SLC5A4: variants seen among roughly 807,000 people sequenced by gnomAD.
SLC5A4 encodes probable glucose sensor protein SLC5A4.
A neutral mutation model predicts 70.3 loss-of-function variants in SLC5A4; 55 were observed. That is an observed-to-expected ratio of 0.78 (90% CI 0.63 to 0.98). SLC5A4 has a LOEUF of 0.98. SLC5A4 is among the 50% of genes least tolerant of loss of function. The pLI is 0.00. For synonymous variants in SLC5A4, 268 were observed against 305.7 expected, an observed-to-expected ratio of 0.88 and a Z score of 1.29; for missense variants, 735 against 839.2, an observed-to-expected ratio of 0.88 and a Z score of 1.53.
chr22:32,268,645 T>C, the SLC5A4 span: 2 of 152,210 alleles, frequency 1.3e-5, no homozygotes, highest in Non-Finnish European at 2.9e-5. Context: ...ATTCAAAATG[T>C]TCTCCATTAA....
Position 32,235,049 on chromosome 22 carries a change from C to G in SLC5A4, c.709G>C (p.Val237Leu), listed in dbSNP as rs761620548. 2 of 1,613,856 alleles carry G rather than the reference C, an allele frequency of 1.2e-6. No individual in the cohort carries two copies. Among genetic ancestry groups the G allele is most frequent in the Non-Finnish European group, 1.7e-6 (2 of 1,179,994 alleles). The change falls in exon 8 of 15, where the codon GTG (valine) becomes CTG (leucine). Residue 237 changes from valine (V) to leucine (L), a missense_variant. By Grantham distance (32) the Val-to-Leu change is conservative. Transcript: ENST00000266086. Reference sequence around the variant, plus strand: ...TCGACTACGGATGGGGTGGCATTCACGTACTTCTCGGTAAAGCTCTCATAA... The same window carrying G: ...TCGACTACGGATGGGGTGGCATTCAGGTACTTCTCGGTAAAGCTCTCATAA... ...GGYESFTEKY[V>L]NATPSVVEGD...
intron 5 of SLC5A4, among the ~76,000 whole-genome samples, chr22:32,245,580 G>A (rs1261913100): frequency 6.6e-6 from 1 of 152,130 alleles, no homozygotes; most frequent in East Asian, 1.9e-4. Context: ...GAGTGCAGTC[G>A]CGCGATCTCG....
chr22:32,281,457 G>A, the SLC5A4 span, among the ~76,000 whole-genome samples: 1 of 152,202 alleles, frequency 6.6e-6, no homozygotes, highest in African/African-American at 2.4e-5. Flanking sequence ...TGTCTGTTTT[G>A]TGCACTGCCA....
the SLC5A4 span, among the ~76,000 whole-genome samples, chr22:32,308,776 G>T: frequency 6.6e-6 from 1 of 152,196 alleles, no homozygotes; most frequent in African/African-American, 2.4e-5. Context: ...GTATGTGTGT[G>T]AGGGCATGTG....
At chr22:32,294,014 C>T in the SLC5A4 span, among the ~76,000 whole-genome samples, 1 of 151,974 alleles carries the variant, frequency 6.6e-6, no homozygotes, top group Non-Finnish European at 1.5e-5. Flanking sequence ...TCCACCCCCA[C>T]CCCAGCCCTT....
chr22:32,341,169 C>A, the SLC5A4 span, among the ~76,000 whole-genome samples: 1 of 151,980 alleles, frequency 6.6e-6, no homozygotes, highest in Admixed American at 6.5e-5. Context: ...AGTCTGGATT[C>A]AAGGGAGAGA....
intron 5 of SLC5A4, among the ~76,000 whole-genome samples, chr22:32,241,823 G>A (rs1840392784): frequency 6.9e-6 from 1 of 144,720 alleles, no homozygotes; most frequent in African/African-American, 2.7e-5. Flanking sequence ...CTGTATGTGT[G>A]TGTGTATATA....
chr22:32,324,566 A>C, the SLC5A4 span, among the ~76,000 whole-genome samples: 1 of 151,962 alleles, frequency 6.6e-6, no homozygotes, highest in African/African-American at 2.4e-5. Context: ...TCAAGACCTC[A>C]CTCACTGGGC....
the SLC5A4 span, among the ~76,000 whole-genome samples, chr22:32,321,144 G>A: frequency 1.3e-5 from 2 of 152,192 alleles, no homozygotes; most frequent in Admixed American, 6.5e-5. Context: ...AAATAAGCTG[G>A]GCATGGTGGC....
chr22:32,334,492 TGGCCTCCCCCCG>T, the SLC5A4 span, among the ~76,000 whole-genome samples: 2 of 152,184 alleles, frequency 1.3e-5, no homozygotes, highest in African/African-American at 4.8e-5. Flanking sequence ...GGCACAGTGA[TGGCCTCCCCCCG>T]GGCCTCCCTG....
At chr22:32,342,776 G>A in the SLC5A4 span, among the ~76,000 whole-genome samples, 12 of 152,184 alleles carry the variant, frequency 7.9e-5, no homozygotes, top group East Asian at 1.7e-3. Flanking sequence ...TTCTGGAGAG[G>A]AAAACACCCA....
At chr22:32,260,889 A>G in the SLC5A4 span, among the ~76,000 whole-genome samples, 2 of 152,190 alleles carry the variant, frequency 1.3e-5, no homozygotes, top group Non-Finnish European at 2.9e-5. Context: ...CCTGGCCAAC[A>G]TGGTGAAACC....
At chr22:32,337,185 C>G in the SLC5A4 span, among the ~76,000 whole-genome samples, 1 of 152,224 alleles carries the variant, frequency 6.6e-6, no homozygotes, top group Non-Finnish European at 1.5e-5. Flanking sequence ...GCCTCTTGTC[C>G]TGGCTATCAT....
the SLC5A4 span, among the ~76,000 whole-genome samples, chr22:32,350,182 G>A: frequency 2.0e-5 from 3 of 152,084 alleles, no homozygotes; most frequent in African/African-American, 7.2e-5. Flanking sequence ...CCTCTCATGT[G>A]GCCATCAAGA....
intron 2 of SLC5A4, 71 bp downstream of exon 2, chr22:32,254,071 G>T: frequency 1.6e-6 from 2 of 1,219,156 alleles, no homozygotes; most frequent in Non-Finnish European, 1.2e-6. Context: ...GTGAGACACC[G>T]CACCCAGCCT....
intron 12 of SLC5A4, among the ~76,000 whole-genome samples, chr22:32,224,920 G>C (rs1223546700): frequency 6.6e-6 from 1 of 152,176 alleles, no homozygotes; most frequent in African/African-American, 2.4e-5. Flanking sequence ...TGATGGGGGT[G>C]GAAACATGTG....
chr22:32,353,329 C>A, the SLC5A4 span, among the ~76,000 whole-genome samples: 1 of 152,222 alleles, frequency 6.6e-6, no homozygotes, highest in African/African-American at 2.4e-5. Context: ...CCTCCACCCA[C>A]GGGGCCCTAT....
chr22:32,333,230 C>T, the SLC5A4 span, among the ~76,000 whole-genome samples: 1 of 150,422 alleles, frequency 6.6e-6, no homozygotes, highest in African/African-American at 2.4e-5. Flanking sequence ...CAGTCCTGCC[C>T]TCACCCAGTC....
the SLC5A4 span, among the ~76,000 whole-genome samples, chr22:32,330,833 TGTGTGTGTTGGGGGCTCTGGTGTGTAG>T: frequency 1.6e-5 from 2 of 125,906 alleles, no homozygotes; most frequent in Middle Eastern, 6.3e-3. Flanking sequence ...CTGGTGTGTG[TGTGTGTGTTGGGGGCTCTGGTGTGTAG>T]GTGTTGGAGG....
Sources: allele counts gnomAD v4.1 joint callset (sites outside exome capture counted in the v4.1 genomes callset), GRCh38; gene constraint gnomAD v4.1.1; transcripts MANE v1.5; gene names NCBI Gene and HGNC (gene_info 2026-07-23, HGNC 2026-07-21).